KLF12: variants seen among roughly 807,000 people sequenced by gnomAD.
KLF12 encodes Krueppel-like factor 12.
A neutral mutation model predicts 37.8 loss-of-function variants in KLF12; 9 were observed. That is an observed-to-expected ratio of 0.24 (90% confidence interval 0.14 to 0.42). KLF12 has a LOEUF of 0.42. Ranked by LOEUF, KLF12 falls within the 10% of genes least tolerant of loss-of-function variation. The pLI is 1.00. For synonymous variants in KLF12, 208 were observed against 202.1 expected (o/e 1.03, Z -0.25); for missense variants, 411 against 516.0 (o/e 0.80, Z 1.97).
chr13:73,874,485 AG>A lies in KLF12; in HGVS notation c.124-28113del, dbSNP rs562489406. Among the ~76,000 whole-genome samples, 267 of 152,346 alleles carry A rather than the reference AG, an allele frequency of 1.8e-3. 2 individuals carry two copies. The highest frequency in any genetic ancestry group is 6.2e-3 in the African/African-American group (258 of 41,594). On this transcript the variant is annotated intron_variant, in intron 3 of 7. Transcript: ENST00000377669. ...ATCACATGATGCCCTTTTTACAATA[AG>A]TTCAGTCTTGATAAACTCAGTTATT...
the KLF12 span, among the ~76,000 whole-genome samples, chr13:74,267,313 G>T: frequency 6.6e-6 from 1 of 152,184 alleles, no homozygotes; most frequent in Non-Finnish European, 1.5e-5. Context: ...CCTTATAAGA[G>T]ACAGAACAAT....
intron 1 of KLF12, among the ~76,000 whole-genome samples, chr13:74,107,786 C>T (rs76761795): frequency 6.4e-4 from 97 of 152,272 alleles, no homozygotes; most frequent in Non-Finnish European, 1.1e-3. Flanking sequence ...TGGGTCAGAG[C>T]AGGAATCGAT....
At chr13:73,934,256 A>C (rs1024066234) in intron 3 of KLF12, among the ~76,000 whole-genome samples, 1 of 152,254 alleles carries the variant, frequency 6.6e-6, no homozygotes, top group South Asian at 2.1e-4. Context: ...AGGCTTTATC[A>C]CAAGTTATCA....
upstream of KLF12, among the ~76,000 whole-genome samples, chr13:74,138,768 A>G (rs544041933): frequency 3.3e-5 from 5 of 152,056 alleles, no homozygotes; most frequent in African/African-American, 1.2e-4. Flanking sequence ...TTTCCCTCAC[A>G]TGCACTAATT....
intron 1 of KLF12, among the ~76,000 whole-genome samples, chr13:74,059,238 C>T (rs569376245): frequency 3.3e-5 from 5 of 152,160 alleles, no homozygotes; most frequent in Non-Finnish European, 7.3e-5. Context: ...AATAGTGCTG[C>T]GATAAACACA....
chr13:74,029,003 C>T (rs1893048287), intron 1 of KLF12, among the ~76,000 whole-genome samples: 1 of 151,992 alleles, frequency 6.6e-6, no homozygotes. Context: ...TTACATAGTT[C>T]CCTTTTACAT....
chr13:74,194,286 T>C, the KLF12 span, among the ~76,000 whole-genome samples: 1 of 152,346 alleles, frequency 6.6e-6, no homozygotes, highest in Non-Finnish European at 1.5e-5. Flanking sequence ...TATTGAAGAA[T>C]TTCTCAACTG....
intron 1 of KLF12, among the ~76,000 whole-genome samples, chr13:74,062,017 C>A (rs1873622120): frequency 6.6e-6 from 1 of 152,102 alleles, no homozygotes; most frequent in Non-Finnish European, 1.5e-5. Flanking sequence ...AAGAAAAGTG[C>A]CAGCAGAGTC....
chr13:73,980,828 G>A (rs570419205), intron 2 of KLF12, among the ~76,000 whole-genome samples: 23 of 152,198 alleles, frequency 1.5e-4, no homozygotes, highest in African/African-American at 5.1e-4. Context: ...CAGTTAGTAC[G>A]GACGTGGTAA....
At chr13:74,077,815 C>T (rs928032149) in intron 1 of KLF12, among the ~76,000 whole-genome samples, 5 of 152,214 alleles carry the variant, frequency 3.3e-5, no homozygotes, top group African/African-American at 1.2e-4. Context: ...ATTTAGTTCT[C>T]TGCCCAATTT....
intron 3 of KLF12, among the ~76,000 whole-genome samples, chr13:73,848,499 T>A (rs187308650): frequency 1.3e-5 from 2 of 150,510 alleles, no homozygotes; most frequent in East Asian, 3.9e-4. Context: ...CATAACAACA[T>A]CTTGTTGCTA....
the KLF12 span, among the ~76,000 whole-genome samples, chr13:74,297,320 A>G: frequency 4.1e-3 from 626 of 152,284 alleles, 6 homozygotes; most frequent in Non-Finnish European, 5.0e-3. Flanking sequence ...TTTTAAGGCC[A>G]AATATATACA....
At chr13:73,715,314 G>A (rs1875715360) in intron 7 of KLF12, 54 bp downstream of exon 7, 22 of 1,539,908 alleles carry the variant, frequency 1.4e-5, no homozygotes, top group South Asian at 4.8e-5. Flanking sequence ...GTAAGTGGCC[G>A]GCGCTTTATG....
intron 2 of KLF12, among the ~76,000 whole-genome samples, chr13:73,948,417 C>T (rs1166833504): frequency 1.3e-5 from 2 of 152,102 alleles, no homozygotes; most frequent in Non-Finnish European, 2.9e-5. Context: ...CGGGGTTTCA[C>T]CTTGTTGGCT....
upstream of KLF12, among the ~76,000 whole-genome samples, chr13:74,134,499 CGCCGGGCT>C (rs1481884490): frequency 6.6e-6 from 1 of 151,546 alleles, no homozygotes; most frequent in Non-Finnish European, 1.5e-5. Context: ...CCGCCCGGAC[CGCCGGGCT>C]GGGTCCGCGG....
chr13:73,989,539 C>T (rs1445327748), intron 2 of KLF12, among the ~76,000 whole-genome samples: 1 of 152,136 alleles, frequency 6.6e-6, no homozygotes, highest in Non-Finnish European at 1.5e-5. Context: ...GGAAGGAAGA[C>T]AGGAGCCCTT....
chr13:73,849,416 TTTGCATCTGTAAATGTGTGG>T (rs1885207184), intron 3 of KLF12, among the ~76,000 whole-genome samples: 1 of 146,194 alleles, frequency 6.8e-6, no homozygotes, highest in East Asian at 2.0e-4. Flanking sequence ...GGTTCTGAGA[TTTGCATCTGTAAATGTGTGG>T]TTGTGCTGAC....
chr13:74,206,187 A>T, the KLF12 span, among the ~76,000 whole-genome samples: 2 of 152,118 alleles, frequency 1.3e-5, no homozygotes, highest in Admixed American at 1.3e-4. Flanking sequence ...CCCATTCATT[A>T]TAGGGCCCTT....
intron 6 of KLF12, among the ~76,000 whole-genome samples, chr13:73,745,746 A>G (rs1048890625): frequency 7.2e-5 from 11 of 152,220 alleles, no homozygotes; most frequent in Non-Finnish European, 1.3e-4. Context: ...TATTTCAGAT[A>G]ACACCAAGCA....
Sources: gnomAD v4.1 joint callset for allele counts (sites outside exome capture counted in the v4.1 genomes callset) on GRCh38, gnomAD v4.1.1 for gene constraint, MANE v1.5 for transcripts, NCBI Gene and HGNC (gene_info 2026-07-23, HGNC 2026-07-21) for gene names.